Variants in HPGDS observed in about 807,000 individuals in gnomAD.
HPGDS encodes GST class-sigma.
Under a neutral mutation model 23.1 loss-of-function variants are expected in HPGDS, and 26 were observed. The ratio of observed to expected loss-of-function variants is 1.13; its 90% CI spans 0.83 to 1.56. HPGDS has a LOEUF of 1.56. Among genes scored for constraint, HPGDS ranks in the 40% most tolerant of loss-of-function variants. HPGDS has a pLI of 0.00. For missense variants in HPGDS, 268 were observed against 236.4 expected (o/e 1.13, Z -0.88); for synonymous variants, 95 against 77.9 (o/e 1.22, Z -1.16).
At chr4:94,311,541 A>G (rs1255720955) in intron 3 of HPGDS, among the ~76,000 whole-genome samples, 1 of 151,358 alleles carries the variant, frequency 6.6e-6, no homozygotes, top group Non-Finnish European at 1.5e-5. Context: ...TCAGTTTGCC[A>G]GTATTTTATT....
chr4:94,310,279 C>T (rs1031925150), intron 3 of HPGDS, among the ~76,000 whole-genome samples: 1 of 152,168 alleles, frequency 6.6e-6, no homozygotes, highest in Non-Finnish European at 1.5e-5. Flanking sequence ...ACATTGAAGT[C>T]TTTAATCCAT....
intron 2 of HPGDS, among the ~76,000 whole-genome samples, chr4:94,322,372 G>C (rs1258996473): frequency 6.6e-6 from 1 of 152,178 alleles, no homozygotes; most frequent in Non-Finnish European, 1.5e-5. Context: ...GTAGAATTCA[G>C]CTGTGAATCC....
intron 5 of HPGDS, among the ~76,000 whole-genome samples, 153 bp downstream of exon 5, chr4:94,301,993 T>C (rs1756048940): frequency 6.6e-6 from 1 of 152,192 alleles, no homozygotes; most frequent in African/African-American, 2.4e-5. Context: ...CAAATCTATT[T>C]TTTAAAAAGG....
At chr4:94,314,009 C>G (rs1223031642) in intron 3 of HPGDS, among the ~76,000 whole-genome samples, 1 of 152,182 alleles carries the variant, frequency 6.6e-6, no homozygotes, top group Non-Finnish European at 1.5e-5. Flanking sequence ...AAGGACTTCT[C>G]TGCATTGGTT....
At chr4:94,323,574 A>G (rs1197648299) in intron 2 of HPGDS, among the ~76,000 whole-genome samples, 1 of 152,118 alleles carries the variant, frequency 6.6e-6, no homozygotes. Context: ...ATCAGAGAGT[A>G]GGATTGCAAC....
intron 3 of HPGDS, 102 bp from the exon 4 acceptor site, chr4:94,308,845 TA>T: frequency 3.4e-6 from 2 of 584,106 alleles, no homozygotes; most frequent in Non-Finnish European, 6.1e-6. Flanking sequence ...TCAAAGAGTG[TA>T]AAACAATATC....
At chr4:94,322,854 T>G (rs891687202) in intron 2 of HPGDS, among the ~76,000 whole-genome samples, 2 of 152,202 alleles carry the variant, frequency 1.3e-5, no homozygotes, top group South Asian at 2.1e-4. Flanking sequence ...ATTGGGATGT[T>G]AGGGTGTCAA....
At chr4:94,340,650 C>CT (rs35678433) in intron 1 of HPGDS, among the ~76,000 whole-genome samples, 523 of 22,466 alleles carry the variant, frequency 0.023, 51 homozygotes, top group African/African-American at 0.05. Flanking sequence ...GCCCCCCTCC[C>CT]TTTTTTTTTT....
At position 94,314,968 on chromosome 4, in the gene HPGDS, G is replaced by A. The variant is rs887230001; in HGVS notation, c.226+2905C>T. Among the ~76,000 whole-genome samples the A allele has an allele frequency of 4.9e-4, 75 of 152,302 alleles. 1 individual carries two copies. Among genetic ancestry groups the A allele is most frequent in the Admixed American group, 2.9e-3 (45 of 15,306 alleles). ...ACGGGATATAATCTCCTGGTGTGCCGTTTGCTAAGACTGTCGGAAACGCGC... is the reference window on the plus strand; with the variant it reads ...ACGGGATATAATCTCCTGGTGTGCCATTTGCTAAGACTGTCGGAAACGCGC... On this transcript the variant is annotated intron_variant, in intron 3 of 5. Transcript: ENST00000295256.
At chr4:94,304,461 T>A (rs932854107) in intron 4 of HPGDS, among the ~76,000 whole-genome samples, 5 of 152,080 alleles carry the variant, frequency 3.3e-5, no homozygotes, top group Non-Finnish European at 7.4e-5. Flanking sequence ...TACTGTAAAA[T>A]TGTGTGTATT....
At chr4:94,302,404 T>C (rs1270512338) in intron 4 of HPGDS, among the ~76,000 whole-genome samples, 160 bp from the exon 5 acceptor site, 1 of 152,150 alleles carries the variant, frequency 6.6e-6, no homozygotes, top group African/African-American at 2.4e-5. Flanking sequence ...GAGATTTAGG[T>C]CTGATTCTCT....
At chr4:94,323,211 G>A (rs1455910113) in intron 2 of HPGDS, among the ~76,000 whole-genome samples, 1 of 152,108 alleles carries the variant, frequency 6.6e-6, no homozygotes, top group African/African-American at 2.4e-5. Context: ...AATAAGTGTG[G>A]TGTGGTGCTG....
chr4:94,322,546 G>A (rs1756536034), intron 2 of HPGDS, among the ~76,000 whole-genome samples: 2 of 152,192 alleles, frequency 1.3e-5, no homozygotes, highest in African/African-American at 2.4e-5. Context: ...TAGTTTATTT[G>A]TGTAGAGGTG....
chr4:94,338,821 A>G (rs915625708), intron 1 of HPGDS, among the ~76,000 whole-genome samples: 4 of 152,196 alleles, frequency 2.6e-5, no homozygotes, highest in African/African-American at 9.6e-5. Flanking sequence ...GCTGTGTCCA[A>G]AATGATTGTC....
intron 4 of HPGDS, chr4:94,303,656 G>C (rs1756087304): frequency 6.6e-6 from 1 of 152,176 alleles, no homozygotes; most frequent in Admixed American, 6.6e-5. Context: ...AGGGCAGTGA[G>C]TCGATAACCA....
intron 2 of HPGDS, among the ~76,000 whole-genome samples, chr4:94,323,722 G>A (rs779518101): frequency 5.9e-5 from 9 of 152,058 alleles, no homozygotes; most frequent in Non-Finnish European, 1.3e-4. Context: ...TATCCAGTTT[G>A]CCAGTCTGTG....
intron 1 of HPGDS, among the ~76,000 whole-genome samples, chr4:94,339,390 C>G (rs72886777): frequency 0.036 from 5,410 of 152,216 alleles, 299 homozygotes; most frequent in African/African-American, 0.12. Context: ...TAAAATTAAC[C>G]ACTGGCTTCC....
chr4:94,325,942 G>C (rs976836977), intron 2 of HPGDS, among the ~76,000 whole-genome samples: 4 of 151,506 alleles, frequency 2.6e-5, no homozygotes, highest in Non-Finnish European at 5.9e-5. Flanking sequence ...ATTTTTGAAG[G>C]ATAGCTTTGC....
intron 1 of HPGDS, among the ~76,000 whole-genome samples, chr4:94,340,311 C>CTTTTTTTTTTTTTTTTTTTTTTTTTTTT (rs869240610): frequency 8.4e-5 from 2 of 23,686 alleles, no homozygotes; most frequent in African/African-American, 1.5e-4. Flanking sequence ...CTTTCTTTCT[C>CTTTTTTTTTTTTTTTTTTTTTTTTTTTT]TTTTTTTTTT....
Sources: allele counts gnomAD v4.1 joint callset (sites outside exome capture counted in the v4.1 genomes callset), GRCh38; gene constraint gnomAD v4.1.1; transcripts MANE v1.5; gene names NCBI Gene and HGNC (gene_info 2026-07-23, HGNC 2026-07-21).